CCDC141: variants seen among roughly 807,000 people sequenced by gnomAD.
The protein encoded by CCDC141 is coiled-coil domain-containing protein 141.
CCDC141 carries 168 observed loss-of-function variants against 181.0 expected under a neutral mutation model. The ratio of observed to expected loss-of-function variants is 0.93; its 90% CI spans 0.82 to 1.05. CCDC141 has a LOEUF of 1.05. Among genes scored for constraint, CCDC141 ranks in the 50% least tolerant of loss-of-function variants. The probability of loss-of-function intolerance (pLI) is 0.00; values close to 1 mark genes in which losing one functional copy is unlikely to be tolerated. For synonymous variants in CCDC141, 666 were observed against 642.3 expected, an observed-to-expected ratio of 1.04 and a Z score of -0.56; for missense variants, 1,902 against 1,788.5, an observed-to-expected ratio of 1.06 and a Z score of -1.14.
chr2:178,968,662 A>G (rs1039932836), intron 4 of CCDC141, among the ~76,000 whole-genome samples: 2 of 152,226 alleles, frequency 1.3e-5, no homozygotes, highest in Non-Finnish European at 2.9e-5. Flanking sequence ...ACACCTTAAC[A>G]TCAAAATTAA....
chr2:179,027,646 C>CAAAAAAAAAAAA (rs71023466), intron 2 of CCDC141, among the ~76,000 whole-genome samples: 15 of 53,270 alleles, frequency 2.8e-4, no homozygotes, highest in South Asian at 2.7e-3. Flanking sequence ...CTCTTACTCT[C>CAAAAAAAAAAAA]AAAAAAAAAA....
chr2:179,021,568 G>A (rs1575357685), intron 2 of CCDC141, among the ~76,000 whole-genome samples: 1 of 152,092 alleles, frequency 6.6e-6, no homozygotes, highest in Non-Finnish European at 1.5e-5. Flanking sequence ...TAATTTTCAG[G>A]GGCTCCTGTG....
At position 178,961,479 on chromosome 2, in the gene CCDC141, G is replaced by A. The variant is rs1345210328; in HGVS notation, c.531C>T (p.Leu177=). ...TTAAAAGGGCTAAAGACCGTTCCAA[G>A]AGTTCTAGAAGAAAATTAGAAAGAA... ...LQLHEHHTKE[L]LERSLALLNK... The change falls in exon 5 of 24, where the codon CTC becomes CTT. Residue 177 remains leucine, a synonymous_variant. Transcript: ENST00000443758. The A allele has an allele frequency of 5.8e-6, 9 of 1,546,466 alleles. No homozygotes were observed. The highest frequency in any genetic ancestry group is 2.4e-5 in the East Asian group (1 of 40,856).
intron 6 of CCDC141, among the ~76,000 whole-genome samples, chr2:178,926,210 CACTT>C (rs759333298): frequency 1.7e-3 from 264 of 152,074 alleles, no homozygotes; most frequent in Non-Finnish European, 3.0e-3. Context: ...AAGGAAATGA[CACTT>C]ACAATCAGAC....
At position 178,978,679 on chromosome 2, in the gene CCDC141, A is replaced by T. The variant is rs1426327917; in HGVS notation, c.226-4T>A. On this transcript the variant is annotated splice_region_variant and splice_polypyrimidine_tract_variant and intron_variant, in intron 2 of 23. Coordinates refer to ENST00000443758, the MANE Select transcript of CCDC141 (RefSeq NM_173648.4). Reference sequence around the variant, plus strand: ...CCCATACCCGATCTTCCAAAGCCTAAGTACAAAAGAAAAAGGCATAAGGCA... The same window carrying T: ...CCCATACCCGATCTTCCAAAGCCTATGTACAAAAGAAAAAGGCATAAGGCA... The T allele has an allele frequency of 5.3e-6, 8 of 1,519,730 alleles. No individual in the cohort carries two copies. In the South Asian group the frequency reaches 1.0e-4, roughly 19 times the overall value. 94.1% of individuals were successfully genotyped at this position (1,519,730 alleles called of 1,614,324 possible).
At chr2:178,946,618 C>T (rs1653177821) in intron 5 of CCDC141, among the ~76,000 whole-genome samples, 1 of 152,160 alleles carries the variant, frequency 6.6e-6, no homozygotes, top group Non-Finnish European at 1.5e-5. Context: ...TCTCTAAAAA[C>T]AGGTGAGAAG....
rs150887075 is a variant in CCDC141, at chr2:178,972,739, T to A, written c.526+2318A>T. Among the ~76,000 whole-genome samples the A allele has an allele frequency of 1.8e-3, 270 of 152,318 alleles. 5 individuals carry two copies. In the South Asian group the frequency reaches 0.023, roughly 13 times the overall value. On this transcript the variant is annotated intron_variant, in intron 4 of 23. Transcript: ENST00000443758. ...CAAGGAGAGAAGTCAGGAGAAGGTA[T>A]ATTATTCCCTCTCTTTCAAGGATTG...
chr2:178,919,916 A>G (rs1437412276), intron 6 of CCDC141, among the ~76,000 whole-genome samples: 1 of 152,250 alleles, frequency 6.6e-6, no homozygotes, highest in Non-Finnish European at 1.5e-5. Flanking sequence ...TCTTAATGGT[A>G]TATAGACCTT....
rs904361497 is a variant in CCDC141, at chr2:178,865,597, C to T, written c.2724+170G>A. ...GAAGTTTACTCAAACTTCCAGATCCCTGAGGTCACTGCTCAGTGGATTAAA... is the reference window on the plus strand; with the variant it reads ...GAAGTTTACTCAAACTTCCAGATCCTTGAGGTCACTGCTCAGTGGATTAAA... On this transcript the variant is annotated intron_variant, in intron 17 of 23. Coordinates refer to ENST00000443758, the MANE Select transcript of CCDC141 (RefSeq NM_173648.4). Among the ~76,000 whole-genome samples the T allele has an allele frequency of 5.3e-5, 8 of 152,208 alleles. No homozygotes were observed. In the East Asian group the frequency reaches 1.5e-3, roughly 29 times the overall value.
chr2:178,824,921 CA>C (rs1408736336), downstream of CCDC141, among the ~76,000 whole-genome samples: 1 of 152,106 alleles, frequency 6.6e-6, no homozygotes, highest in East Asian at 1.9e-4. Context: ...CGATAAAATA[CA>C]AGTTTAATAC....
Position 178,920,519 on chromosome 2 carries a change from T to G in CCDC141, c.898-1612A>C, listed in dbSNP as rs1334182190. On this transcript the variant is annotated intron_variant, in intron 6 of 23. Coordinates refer to ENST00000443758, the MANE Select transcript of CCDC141 (RefSeq NM_173648.4). ...AGCAGATGGCATGAGCCCAGGAGTT[T>G]GAGACCAGCCTGGGCAACATGGCAA... Among the ~76,000 whole-genome samples, 3 of 151,970 alleles carry G rather than the reference T, an allele frequency of 2.0e-5. No homozygotes were observed. The East Asian group carries it at 5.8e-4, about 29-fold the overall frequency.
chr2:178,998,751 A>G lies in CCDC141; in HGVS notation c.226-20076T>C, dbSNP rs1173120489. Among the ~76,000 whole-genome samples, 3 of 151,888 alleles carry G rather than the reference A, an allele frequency of 2.0e-5. No individual in the cohort carries two copies. The East Asian group carries it at 5.8e-4, about 29-fold the overall frequency. The stretch of plus-strand genomic sequence containing the variant: ...TCACTTTCTCTTCCTATTTTTAAAC[A>G]TCTAGGTGTTTCAGGATATCACGGT... On this transcript the variant is annotated intron_variant, in intron 2 of 23. Transcript: ENST00000443758.
chr2:178,837,327 G>A lies in CCDC141; in HGVS notation c.3892C>T (p.Pro1298Ser), dbSNP rs1334209694. The A allele has an allele frequency of 6.2e-7, 1 of 1,614,088 alleles. No homozygotes were observed. Among genetic ancestry groups the A allele is most frequent in the South Asian group, 1.1e-5 (1 of 91,078 alleles). The change falls in exon 23 of 24, where the codon CCC becomes TCC. Residue 1298 changes from proline to serine, a missense_variant. Transcript: ENST00000443758. The part of the protein sequence containing the change: ...ERPYLQFKAE[P>S]PLTSRGFVEK... ...ACGAATCCTCTGGAGGTTAGTGGGG[G>A]CTCAGCTTTGAACTGGAGGTAAGGC... is the stretch of plus-strand genomic sequence containing the variant.
chr2:178,851,086 A>C (rs915198840), intron 20 of CCDC141, among the ~76,000 whole-genome samples: 7 of 151,736 alleles, frequency 4.6e-5, no homozygotes, highest in African/African-American at 1.7e-4. Context: ...CATGCCTGTG[A>C]TCTCAGCTAC....
rs1656710782 is a variant in CCDC141 at position 178,831,612 on chromosome 2, A to G, written c.*2561T>C. The stretch of plus-strand genomic sequence containing the variant: ...CCTAGGTCTTACATTTTTAACCAGT[A>G]ACTGCAATTGATACTTTCATAAGAA... On this transcript the variant is annotated 3_prime_UTR_variant, in exon 24 of 24. Transcript: ENST00000443758. 2.6e-5 allele frequency: 4 copies of G among 152,238 alleles called. No individual in the cohort carries two copies. The South Asian group carries it at 8.3e-4, about 31-fold the overall frequency. The allele number at this position is 152,238 out of a possible 1,614,324, so 9.4% of individuals were successfully genotyped here.
intron 11 of CCDC141, among the ~76,000 whole-genome samples, chr2:178,882,234 G>C (rs565928046): frequency 1.3e-5 from 2 of 152,192 alleles, no homozygotes; most frequent in East Asian, 3.9e-4. Flanking sequence ...AGCCGGGTAT[G>C]GTGGTGCGTG....
intron 2 of CCDC141, among the ~76,000 whole-genome samples, chr2:179,017,472 G>T (rs1281701642): frequency 6.6e-6 from 1 of 151,960 alleles, no homozygotes; most frequent in Non-Finnish European, 1.5e-5. Flanking sequence ...TCATTTCTGT[G>T]CCCTTCCTTA....
chr2:178,831,332 C>G lies in CCDC141; in HGVS notation c.*2841G>C, dbSNP rs1684241369. ...TTTGTTTTGCAGTTCTTCAAAGTAT[C>G]AAGTATTTATAATTTGTTTAAGAGT... is the stretch of plus-strand genomic sequence containing the variant. On this transcript the variant is annotated 3_prime_UTR_variant, in exon 24 of 24. Transcript: ENST00000443758. 6.6e-6 allele frequency: 1 copy of G among 152,206 alleles called. No homozygotes were observed. Among genetic ancestry groups the G allele is most frequent in the East Asian group, 1.9e-4 (1 of 5,180 alleles). The allele number at this position is 152,206 out of a possible 1,614,324, so 9.4% of individuals were successfully genotyped here.
At chr2:178,957,548 C>A (rs1448891466) in intron 5 of CCDC141, among the ~76,000 whole-genome samples, 1 of 152,174 alleles carries the variant, frequency 6.6e-6, no homozygotes, top group Non-Finnish European at 1.5e-5. Context: ...ACCATATGAT[C>A]CAGCAATTGT....
Sources: gnomAD v4.1 joint callset for allele counts (sites outside exome capture counted in the v4.1 genomes callset) on GRCh38, gnomAD v4.1.1 for gene constraint, MANE v1.5 for transcripts, NCBI Gene and HGNC (gene_info 2026-07-23, HGNC 2026-07-21) for gene names.